INTS6: variants seen among roughly 807,000 people sequenced by gnomAD.
INTS6 encodes the protein integrator complex subunit 6.
INTS6 carries 16 observed loss-of-function variants against 104.9 expected under a neutral mutation model. The ratio of observed to expected loss-of-function variants is 0.15; its 90% confidence interval spans 0.10 to 0.23. The LOEUF (loss-of-function observed/expected upper bound fraction) is 0.23. Among genes scored for constraint, INTS6 ranks in the 10% least tolerant of loss-of-function variants. The pLI, the probability that INTS6 is intolerant of heterozygous loss-of-function variation, is 1.00. For synonymous variants in INTS6, 324 were observed against 358.7 expected (o/e 0.90, Z 1.09); for missense variants, 584 against 1,062.8 (o/e 0.55, Z 6.26).
At chr13:51,372,599 T>C (rs181476859) in intron 15 of INTS6, among the ~76,000 whole-genome samples, 50 of 152,266 alleles carry the variant, frequency 3.3e-4, no homozygotes, top group Non-Finnish European at 5.4e-4. Flanking sequence ...ATATTCATCT[T>C]CTAACTTAGG....
At chr13:51,408,146 G>GGT (rs748545221) in intron 4 of INTS6, among the ~76,000 whole-genome samples, 1 of 141,060 alleles carries the variant, frequency 7.1e-6, no homozygotes. Flanking sequence ...ATTGAGATGG[G>GGT]TTTTTTTTTT....
chr13:51,346,480 G>A, the INTS6 span, among the ~76,000 whole-genome samples: 2 of 152,184 alleles, frequency 1.3e-5, no homozygotes, highest in Non-Finnish European at 2.9e-5. Context: ...AAAAAGCAGG[G>A]TCTTCAGCAA....
chr13:51,381,641 A>G (rs1339438736), intron 10 of INTS6, among the ~76,000 whole-genome samples: 2 of 152,148 alleles, frequency 1.3e-5, no homozygotes, highest in African/African-American at 4.8e-5. Context: ...TAAAAGCAAT[A>G]AATAAAAGTT....
At chr13:51,413,582 T>C (rs11148219) in intron 4 of INTS6, among the ~76,000 whole-genome samples, 6,949 of 152,222 alleles carry the variant, frequency 0.046, 186 homozygotes, top group South Asian at 0.1. Flanking sequence ...AAACTTTGGT[T>C]TTTATGACAG....
chr13:51,420,816 T>C (rs989657644), intron 4 of INTS6, among the ~76,000 whole-genome samples: 4 of 150,124 alleles, frequency 2.7e-5, no homozygotes, highest in Non-Finnish European at 4.4e-5. Context: ...GTAACCAAAG[T>C]GTTCCTTAGC....
chr13:51,396,779 G>A (rs760690233), intron 4 of INTS6, among the ~76,000 whole-genome samples: 9 of 152,142 alleles, frequency 5.9e-5, no homozygotes, highest in Non-Finnish European at 1.2e-4. Context: ...AAATGACCTG[G>A]TTTCTCCAAT....
chr13:51,371,509 C>G (rs1955802446), intron 15 of INTS6, among the ~76,000 whole-genome samples: 1 of 152,036 alleles, frequency 6.6e-6, no homozygotes, highest in Non-Finnish European at 1.5e-5. Flanking sequence ...TTCTCTTATT[C>G]TACTGTCTTC....
chr13:51,370,213 T>C (rs904169856), intron 15 of INTS6, among the ~76,000 whole-genome samples: 8 of 152,358 alleles, frequency 5.3e-5, no homozygotes, highest in Admixed American at 3.3e-4. Flanking sequence ...CTCTCCTGTA[T>C]GGAGACTGCT....
chr13:51,342,966 G>A, the INTS6 span, among the ~76,000 whole-genome samples: 2 of 152,216 alleles, frequency 1.3e-5, no homozygotes, highest in Non-Finnish European at 2.9e-5. Context: ...CTTCGGTAGT[G>A]AACATATTGT....
At chr13:51,373,634 C>A (rs182523945) in intron 15 of INTS6, among the ~76,000 whole-genome samples, 24 of 152,240 alleles carry the variant, frequency 1.6e-4, no homozygotes, top group Non-Finnish European at 2.4e-4. Context: ...ATTGCTCCAG[C>A]ATAAGCAAAC....
chr13:51,420,362 A>G (rs1243201777), intron 4 of INTS6, among the ~76,000 whole-genome samples: 1 of 151,798 alleles, frequency 6.6e-6, no homozygotes. Context: ...GTCTTAGGAC[A>G]AGCTTTAGCA....
downstream of INTS6, among the ~76,000 whole-genome samples, chr13:51,353,200 GT>G (rs1031981447): frequency 2.6e-5 from 4 of 151,958 alleles, no homozygotes; most frequent in Non-Finnish European, 4.4e-5. Context: ...TTTTACTGAT[GT>G]TTTTAGTTTA....
At chr13:51,348,334 G>C in the INTS6 span, 1 of 1,613,928 alleles carries the variant, frequency 6.2e-7, no homozygotes, top group Non-Finnish European at 8.5e-7. Context: ...GCCACATCGA[G>C]CCACACCTCA....
chr13:51,435,943 T>C (rs1377649538), intron 3 of INTS6, among the ~76,000 whole-genome samples: 3 of 152,104 alleles, frequency 2.0e-5, no homozygotes, highest in Non-Finnish European at 4.4e-5. Flanking sequence ...CATGCTTATA[T>C]TTAAATCAAT....
At chr13:51,419,000 T>C (rs1250967651) in intron 4 of INTS6, among the ~76,000 whole-genome samples, 2 of 152,218 alleles carry the variant, frequency 1.3e-5, no homozygotes, top group Non-Finnish European at 2.9e-5. Context: ...ATCAACTTTA[T>C]GGACATTCCA....
chr13:51,389,179 C>A (rs1368857042), intron 6 of INTS6, 140 bp downstream of exon 6: 1 of 750,472 alleles, frequency 1.3e-6, no homozygotes, highest in East Asian at 2.8e-5. Context: ...CCTATTTAAT[C>A]TTCCCTCTTT....
chr13:51,432,533 A>G (rs528583235), intron 3 of INTS6, among the ~76,000 whole-genome samples: 1 of 152,212 alleles, frequency 6.6e-6, no homozygotes, highest in African/African-American at 2.4e-5. Flanking sequence ...AGAATATGTC[A>G]TATTTCTTTC....
At position 51,365,718 on chromosome 13, in the gene INTS6, G is replaced by A; in HGVS notation, c.*34C>T. 1 of 1,151,002 alleles carries A rather than the reference G, an allele frequency of 8.7e-7. No individual in the cohort carries two copies. Among genetic ancestry groups the A allele is most frequent in the Non-Finnish European group, 1.3e-6 (1 of 787,028 alleles). The allele number at this position is 1,151,002 out of a possible 1,614,324, so 71.3% of individuals were successfully genotyped here. A position where few individuals can be genotyped will look rare whatever the true frequency, so the allele number is the denominator to read the frequency against. On this transcript the variant is annotated 3_prime_UTR_variant, in exon 18 of 18. Coordinates refer to ENST00000311234, the MANE Select transcript of INTS6 (RefSeq NM_012141.3). ...TTGTATTTACTTTGTATTTGAAGAA[G>A]ATAGTGAAATAAGTGGCCACATTCT...
chr13:51,366,917 G>A (rs1460879783), intron 17 of INTS6, among the ~76,000 whole-genome samples: 1 of 151,944 alleles, frequency 6.6e-6, no homozygotes, highest in African/African-American at 2.4e-5. Flanking sequence ...AAATCTTGAA[G>A]GGAAAATAAA....
Sources: allele counts gnomAD v4.1 joint callset (sites outside exome capture counted in the v4.1 genomes callset), GRCh38; gene constraint gnomAD v4.1.1; transcripts MANE v1.5; gene names NCBI Gene and HGNC (gene_info 2026-07-23, HGNC 2026-07-21).